Variants in METTL15 observed in about 807,000 individuals in gnomAD.
The protein encoded by METTL15 is 12S rRNA N(4)-cytidine methyltransferase METTL15.
In METTL15, 34 loss-of-function variants were observed where a neutral mutation model predicts 38.3. The observed-to-expected ratio is 0.89, with a 90% CI of 0.68 to 1.18. METTL15 has a LOEUF of 1.18. Ranked by LOEUF, METTL15 falls within the 50% of genes most tolerant of loss-of-function variation. METTL15 has a pLI of 0.00. For synonymous variants in METTL15, 162 were observed against 170.9 expected (o/e 0.95, Z 0.41); for missense variants, 438 against 498.4 (o/e 0.88, Z 1.15).
chr11:28,322,384 G>T (rs1227049205), intron 6 of METTL15, among the ~76,000 whole-genome samples: 1 of 152,062 alleles, frequency 6.6e-6, no homozygotes, highest in Non-Finnish European at 1.5e-5. Flanking sequence ...TTTCTAGCTG[G>T]AATCAACTGG....
At chr11:28,276,472 C>T (rs991441352) in intron 4 of METTL15, among the ~76,000 whole-genome samples, 1 of 152,142 alleles carries the variant, frequency 6.6e-6, no homozygotes, top group Admixed American at 6.5e-5. Flanking sequence ...ATCCCATGCT[C>T]ATGGATCTGA....
intron 4 of METTL15, among the ~76,000 whole-genome samples, chr11:28,353,077 T>G (rs1285215321): frequency 6.6e-6 from 1 of 152,160 alleles, no homozygotes; most frequent in Non-Finnish European, 1.5e-5. Context: ...ACAGCCATAT[T>G]CAGCCTAGCT....
chr11:28,201,883 T>C (rs1233821507), intron 3 of METTL15, among the ~76,000 whole-genome samples: 1 of 152,116 alleles, frequency 6.6e-6, no homozygotes, highest in African/African-American at 2.4e-5. Flanking sequence ...CATCTTGGCA[T>C]GTTTGACAAT....
intron 3 of METTL15, among the ~76,000 whole-genome samples, chr11:28,117,307 A>G (rs2133598185): frequency 6.9e-6 from 1 of 144,932 alleles, no homozygotes; most frequent in South Asian, 2.2e-4. Flanking sequence ...ATATGAAAGG[A>G]TAGGGGCAGT....
chr11:28,378,958 A>T (rs374467497), intron 5 of METTL15, among the ~76,000 whole-genome samples: 2 of 151,922 alleles, frequency 1.3e-5, no homozygotes, highest in Non-Finnish European at 2.9e-5. Flanking sequence ...GGTAAGTTGT[A>T]TATGTCCAGG....
intron 3 of METTL15, among the ~76,000 whole-genome samples, chr11:28,157,272 T>G (rs536520911): frequency 5.8e-4 from 88 of 152,284 alleles, no homozygotes; most frequent in African/African-American, 2.0e-3. Flanking sequence ...ATTTATTGAG[T>G]GACCTGAAAG....
intron 4 of METTL15, among the ~76,000 whole-genome samples, chr11:28,265,458 C>T (rs183011724): frequency 5.3e-5 from 8 of 151,978 alleles, no homozygotes; most frequent in African/African-American, 1.9e-4. Flanking sequence ...CTTAGGCCTT[C>T]TCTTTATTAT....
intron 5 of METTL15, among the ~76,000 whole-genome samples, chr11:28,378,152 G>T (rs1850339905): frequency 6.6e-6 from 1 of 152,178 alleles, no homozygotes; most frequent in African/African-American, 2.4e-5. Context: ...TACAGAGGCA[G>T]GCAGGCCTCC....
chr11:28,346,279 A>G (rs1346721418), intron 3 of METTL15, among the ~76,000 whole-genome samples: 5 of 152,226 alleles, frequency 3.3e-5, no homozygotes, highest in Non-Finnish European at 2.9e-5. Context: ...TTTTGAATCT[A>G]CACTGGGCAT....
intron 6 of METTL15, among the ~76,000 whole-genome samples, chr11:28,425,951 T>A (rs150148412): frequency 6.6e-6 from 1 of 152,204 alleles, no homozygotes; most frequent in African/African-American, 2.4e-5. Flanking sequence ...ATTTATTTTT[T>A]AAAATTTTAA....
chr11:28,300,755 T>C (rs1242532043), intron 6 of METTL15, among the ~76,000 whole-genome samples: 1 of 152,188 alleles, frequency 6.6e-6, no homozygotes, highest in Non-Finnish European at 1.5e-5. Context: ...TGCAGTGTTA[T>C]ATACAGTGTT....
At chr11:28,221,957 G>A (rs1382186687) in intron 4 of METTL15, among the ~76,000 whole-genome samples, 1 of 152,174 alleles carries the variant, frequency 6.6e-6, no homozygotes, top group Non-Finnish European at 1.5e-5. Flanking sequence ...GTGTTAGTCT[G>A]CCTCTACTGG....
chr11:28,327,157 C>T (rs1289571518), intron 6 of METTL15, among the ~76,000 whole-genome samples: 2 of 152,070 alleles, frequency 1.3e-5, no homozygotes, highest in African/African-American at 4.8e-5. Flanking sequence ...TCATTGCAGA[C>T]CTCTTGTCAT....
intron 6 of METTL15, among the ~76,000 whole-genome samples, chr11:28,483,027 C>T (rs1205429724): frequency 6.6e-6 from 1 of 151,016 alleles, no homozygotes; most frequent in Non-Finnish European, 1.5e-5. Context: ...AACCATACTT[C>T]AGTGAACATG....
chr11:28,392,164 G>A (rs745961280), intron 5 of METTL15, among the ~76,000 whole-genome samples: 1 of 152,018 alleles, frequency 6.6e-6, no homozygotes, highest in African/African-American at 2.4e-5. Context: ...GATATGAACA[G>A]ACACTTCTCA....
Position 28,485,112 on chromosome 11 carries a change from TACAC to T in METTL15, c.*425-41341_*425-41338del, listed in dbSNP as rs33941898. Among the ~76,000 whole-genome samples, 212 of 148,848 alleles carry T rather than the reference TACAC, an allele frequency of 1.4e-3. 1 individual carries two copies. Among genetic ancestry groups the T allele is most frequent in the Middle Eastern group, 3.4e-3 (1 of 294 alleles). Reference sequence around the variant, plus strand: ...CATCCCACAATCCAAAATGAAGTTTTACACACACACACACACACACACACACACT... The same window carrying T: ...CATCCCACAATCCAAAATGAAGTTTTACACACACACACACACACACACACT... On this transcript the variant is annotated intron_variant and NMD_transcript_variant, in intron 6 of 7. Transcript: ENST00000532947.
intron 6 of METTL15, among the ~76,000 whole-genome samples, chr11:28,311,305 A>G (rs1365872074): frequency 6.6e-6 from 1 of 152,210 alleles, no homozygotes; most frequent in African/African-American, 2.4e-5. Context: ...GTCATGAACA[A>G]GTAGTACAGG....
chr11:28,324,994 T>TG (rs1312832223), intron 6 of METTL15, among the ~76,000 whole-genome samples: 1 of 152,180 alleles, frequency 6.6e-6, no homozygotes, highest in Non-Finnish European at 1.5e-5. Flanking sequence ...GCTGCATGGC[T>TG]GACATTCCCT....
At position 28,279,623 on chromosome 11, in the gene METTL15, G is replaced by A. The variant is rs201233917; in HGVS notation, c.408-10583G>A. On this transcript the variant is annotated intron_variant, in intron 4 of 6. Transcript: ENST00000407364. ...TGTCTTAGGAAAGACTAACATGGCC[G>A]GGTGCGGTGGCTCACGCCTGTAATC... Among the ~76,000 whole-genome samples the A allele has an allele frequency of 4.6e-5, 7 of 152,238 alleles. No individual in the cohort carries two copies. In the East Asian group the frequency reaches 7.7e-4, roughly 17 times the overall value.
Sources: gnomAD v4.1 joint callset for allele counts (sites outside exome capture counted in the v4.1 genomes callset) on GRCh38, gnomAD v4.1.1 for gene constraint, MANE v1.5 for transcripts, NCBI Gene and HGNC (gene_info 2026-07-23, HGNC 2026-07-21) for gene names.